CADPS: variants seen among roughly 807,000 people sequenced by gnomAD.
CADPS encodes the protein calcium dependent secretion activator.
In CADPS, 57 loss-of-function variants were observed where a neutral mutation model predicts 167.3. The observed-to-expected ratio is 0.34, with a 90% CI of 0.28 to 0.42. The LOEUF (loss-of-function observed/expected upper bound fraction) is 0.42. Ranked by LOEUF, CADPS falls within the 20% of genes least tolerant of loss-of-function variation. The pLI, the probability that CADPS is intolerant of heterozygous loss-of-function variation, is 1.00. For synonymous variants in CADPS, 676 were observed against 635.3 expected, an observed-to-expected ratio of 1.06 and a Z score of -0.96; for missense variants, 1,414 against 1,738.1, an observed-to-expected ratio of 0.81 and a Z score of 3.32.
At chr3:62,564,016 T>C (rs2079648873) in intron 9 of CADPS, among the ~76,000 whole-genome samples, 1 of 152,144 alleles carries the variant, frequency 6.6e-6, no homozygotes, top group African/African-American at 2.4e-5. Context: ...GTTTCTTTTT[T>C]TTTGAGACAA....
At chr3:62,804,908 G>A (rs190544212) in intron 1 of CADPS, among the ~76,000 whole-genome samples, 1 of 152,116 alleles carries the variant, frequency 6.6e-6, no homozygotes, top group Admixed American at 6.6e-5. Context: ...AATTTACTGA[G>A]AGTGAACAAA....
At chr3:62,552,703 T>C (rs1331985471) in intron 10 of CADPS, among the ~76,000 whole-genome samples, 1 of 152,234 alleles carries the variant, frequency 6.6e-6, no homozygotes, top group Non-Finnish European at 1.5e-5. Context: ...GTGTCTATGC[T>C]GCAAGCGTGG....
At chr3:62,443,676 G>A (rs778259690) in intron 27 of CADPS, among the ~76,000 whole-genome samples, 4 of 152,084 alleles carry the variant, frequency 2.6e-5, no homozygotes, top group Non-Finnish European at 4.4e-5. Context: ...CTGCTGTCTT[G>A]TGAAGAAGGA....
At chr3:62,409,090 A>G (rs34772651) in intron 28 of CADPS, among the ~76,000 whole-genome samples, 39,409 of 152,170 alleles carry the variant, frequency 0.26, 5,164 homozygotes, top group Middle Eastern at 0.32. Context: ...ATTGACTTGA[A>G]CTCAAGATGT....
At chr3:62,830,129 T>TA (rs2074813046) in intron 1 of CADPS, among the ~76,000 whole-genome samples, 1 of 152,134 alleles carries the variant, frequency 6.6e-6, no homozygotes, top group Admixed American at 6.5e-5. Context: ...ATTGTTCCAT[T>TA]ACAGGAGAAC....
At chr3:62,820,286 G>A (rs1014581533) in intron 1 of CADPS, among the ~76,000 whole-genome samples, 5 of 152,176 alleles carry the variant, frequency 3.3e-5, no homozygotes, top group African/African-American at 9.7e-5. Context: ...GATAGCTACT[G>A]TGAATTTTCA....
intron 3 of CADPS, among the ~76,000 whole-genome samples, chr3:62,665,316 C>T (rs897707898): frequency 5.3e-5 from 8 of 152,120 alleles, no homozygotes; most frequent in African/African-American, 1.9e-4. Context: ...AATTATTCCA[C>T]CAAAAATCAC....
At chr3:62,752,778 T>A (rs1174361405) in intron 3 of CADPS, among the ~76,000 whole-genome samples, 1 of 152,212 alleles carries the variant, frequency 6.6e-6, no homozygotes, top group Non-Finnish European at 1.5e-5. Context: ...CAGTAAGAAT[T>A]TCAGACTGCA....
chr3:62,757,485 T>C (rs1326689295), intron 2 of CADPS, among the ~76,000 whole-genome samples: 2 of 152,030 alleles, frequency 1.3e-5, no homozygotes, highest in Non-Finnish European at 1.5e-5. Context: ...GAATGAACTA[T>C]AAGAGCAAAG....
chr3:62,495,388 C>T (rs1452075), intron 18 of CADPS, among the ~76,000 whole-genome samples: 111,403 of 152,144 alleles, frequency 0.73, 40,852 homozygotes, highest in African/African-American at 0.78. Context: ...TCTGTGTGAC[C>T]GGGTTGGGAA....
chr3:62,694,845 T>TA (rs1401227781), intron 3 of CADPS, among the ~76,000 whole-genome samples: 9 of 152,096 alleles, frequency 5.9e-5, no homozygotes, highest in South Asian at 2.1e-4. Context: ...GACACCACCC[T>TA]AAAAAAATGG....
intron 1 of CADPS, among the ~76,000 whole-genome samples, chr3:62,872,741 A>T (rs1049846885): frequency 1.3e-5 from 2 of 152,206 alleles, no homozygotes; most frequent in Non-Finnish European, 2.9e-5. Context: ...TCTCCATGCT[A>T]GCTCTGGACT....
chr3:62,563,161 G>GATATCTGATAACCAGACT (rs548718321), intron 9 of CADPS, among the ~76,000 whole-genome samples: 2 of 152,142 alleles, frequency 1.3e-5, no homozygotes, highest in Admixed American at 6.5e-5. Context: ...TGTTTGGGTT[G>GATATCTGATAACCAGACT]ATATCTGATA....
At chr3:62,759,234 T>C (rs1284822092) in intron 2 of CADPS, among the ~76,000 whole-genome samples, 4 of 152,192 alleles carry the variant, frequency 2.6e-5, no homozygotes, top group African/African-American at 4.8e-5. Flanking sequence ...ATGGGAGTTA[T>C]AACAACCTTC....
chr3:62,586,233 A>G (rs2084599647), intron 7 of CADPS, among the ~76,000 whole-genome samples: 1 of 152,226 alleles, frequency 6.6e-6, no homozygotes, highest in South Asian at 2.1e-4. Flanking sequence ...CTGTGATGGC[A>G]GCACGCCCTG....
chr3:62,670,727 C>T, intron 3 of CADPS, among the ~76,000 whole-genome samples: 1 of 152,082 alleles, frequency 6.6e-6, no homozygotes, highest in Non-Finnish European at 1.5e-5. Flanking sequence ...CTTTATGATC[C>T]TGTAGTGCTC....
intron 3 of CADPS, among the ~76,000 whole-genome samples, chr3:62,709,943 T>C (rs2083070473): frequency 6.6e-6 from 1 of 151,300 alleles, no homozygotes; most frequent in Admixed American, 6.6e-5. Flanking sequence ...CTAATTTTTT[T>C]TGTATTTTAG....
chr3:62,842,711 T>C (rs2076817335), intron 1 of CADPS, among the ~76,000 whole-genome samples: 1 of 152,140 alleles, frequency 6.6e-6, no homozygotes, highest in Non-Finnish European at 1.5e-5. Flanking sequence ...TTTCCTAAAG[T>C]CAAATACAAG....
At chr3:62,795,487 T>C (rs977712451) in intron 1 of CADPS, among the ~76,000 whole-genome samples, 3 of 152,326 alleles carry the variant, frequency 2.0e-5, no homozygotes, top group Non-Finnish European at 4.4e-5. Flanking sequence ...ATAAATTTGC[T>C]TCTCCTTACA....
Sources: gnomAD v4.1 joint callset for allele counts (sites outside exome capture counted in the v4.1 genomes callset) on GRCh38, gnomAD v4.1.1 for gene constraint, MANE v1.5 for transcripts, NCBI Gene and HGNC (gene_info 2026-07-23, HGNC 2026-07-21) for gene names.